SLC35F1: variants seen among roughly 807,000 people sequenced by gnomAD.
The protein encoded by SLC35F1 is chromosome 6 open reading frame 169.
SLC35F1 carries 14 observed loss-of-function variants against 48.7 expected under a neutral mutation model. That is an observed-to-expected ratio of 0.29 (90% CI 0.19 to 0.45). The LOEUF is 0.45. Among genes scored for constraint, SLC35F1 ranks in the 20% least tolerant of loss-of-function variants. The pLI is 1.00. For synonymous variants in SLC35F1, 190 were observed against 202.2 expected (o/e 0.94, Z 0.51); for missense variants, 404 against 500.0 (o/e 0.81, Z 1.83).
chr6:118,212,764 AAGGAAGG>A (rs1775020947), intron 2 of SLC35F1, among the ~76,000 whole-genome samples: 1 of 131,514 alleles, frequency 7.6e-6, no homozygotes. Context: ...GGAAGGAAGG[AAGGAAGG>A]AAGGAAGGAA....
chr6:118,065,184 T>C (rs1046119778), intron 1 of SLC35F1, among the ~76,000 whole-genome samples: 26 of 152,196 alleles, frequency 1.7e-4, no homozygotes, highest in African/African-American at 6.0e-4. Context: ...ACTTTCCAGG[T>C]AGGCTGAGTG....
At chr6:118,123,323 C>T (rs1582678050) in intron 1 of SLC35F1, among the ~76,000 whole-genome samples, 1 of 152,200 alleles carries the variant, frequency 6.6e-6, no homozygotes, top group Admixed American at 6.6e-5. Context: ...TTATACTTTG[C>T]TTTAACTCCA....
At chr6:118,210,219 A>C (rs918813744) in intron 2 of SLC35F1, among the ~76,000 whole-genome samples, 1 of 152,170 alleles carries the variant, frequency 6.6e-6, no homozygotes, top group Non-Finnish European at 1.5e-5. Flanking sequence ...CTCATAATTA[A>C]AATTAGACCT....
chr6:118,225,260 T>A (rs1775200259), intron 2 of SLC35F1, among the ~76,000 whole-genome samples: 1 of 152,094 alleles, frequency 6.6e-6, no homozygotes, highest in Non-Finnish European at 1.5e-5. Flanking sequence ...GTTATGGCAA[T>A]TAAATCAGCA....
At chr6:118,133,163 T>C (rs1773742395) in intron 1 of SLC35F1, among the ~76,000 whole-genome samples, 1 of 152,112 alleles carries the variant, frequency 6.6e-6, no homozygotes, top group Admixed American at 6.6e-5. Flanking sequence ...TTTCCTAGAA[T>C]CAGTAATCTG....
intron 1 of SLC35F1, among the ~76,000 whole-genome samples, chr6:118,115,132 CT>C (rs1353309695): frequency 1.3e-5 from 2 of 152,152 alleles, no homozygotes; most frequent in Non-Finnish European, 2.9e-5. Context: ...TCAGGTACAA[CT>C]TTAGCTATAA....
intron 1 of SLC35F1, among the ~76,000 whole-genome samples, chr6:117,979,640 CT>C (rs1183217003): frequency 6.6e-6 from 1 of 152,174 alleles, no homozygotes; most frequent in African/African-American, 2.4e-5. Context: ...TTAAAACACT[CT>C]TCTTAAAGCA....
chr6:118,235,542 G>C lies in SLC35F1; in HGVS notation c.383G>C (p.Arg128Thr). The stretch of plus-strand genomic sequence containing the variant: ...AACCTCCTGGCAATTTTACGACGAA[G>C]ATGGTGGAAGTACATGATTTTGGGA... ...EENLLAILRRRWWKYMILGLI... is the reference protein window; with the variant it reads ...EENLLAILRRTWWKYMILGLI... The change falls in exon 3 of 8, where the codon AGA (arginine) becomes ACA (threonine). Residue 128 changes from arginine to threonine, a missense_variant. Physicochemically the swap from Arg to Thr is moderately conservative, Grantham distance 71 (BLOSUM62 -1). Transcript: ENST00000360388. 6.2e-7 allele frequency: 1 copy of C among 1,613,444 alleles called. No individual in the cohort carries two copies. The highest frequency in any genetic ancestry group is 8.5e-7 in the Non-Finnish European group (1 of 1,179,632).
At chr6:117,975,018 A>G (rs1776688308) in intron 1 of SLC35F1, among the ~76,000 whole-genome samples, 1 of 152,210 alleles carries the variant, frequency 6.6e-6, no homozygotes, top group Non-Finnish European at 1.5e-5. Context: ...GACTTCTTGA[A>G]AGGATCTTAG....
intron 1 of SLC35F1, among the ~76,000 whole-genome samples, chr6:117,942,115 A>C (rs1194741455): frequency 6.6e-6 from 1 of 152,206 alleles, no homozygotes; most frequent in Non-Finnish European, 1.5e-5. Flanking sequence ...GCAGTATCAC[A>C]TCTTTTTACA....
At chr6:117,923,767 A>ATATG (rs1775971835) in intron 1 of SLC35F1, among the ~76,000 whole-genome samples, 2 of 458 alleles carry the variant, frequency 4.4e-3, no homozygotes, top group South Asian at 0.17. Flanking sequence ...ACATATGCAC[A>ATATG]TACATATGTA....
chr6:118,258,828 A>C (rs1775677626), intron 3 of SLC35F1, among the ~76,000 whole-genome samples: 1 of 152,006 alleles, frequency 6.6e-6, no homozygotes, highest in South Asian at 2.1e-4. Flanking sequence ...TGACTGTAAT[A>C]AGAAACTGAA....
chr6:118,032,254 A>G lies in SLC35F1; in HGVS notation c.174-122191A>G, dbSNP rs180938736. ...GATTTCTGTAATCACAGATTTTTTT[A>G]AAGCAGAAAAAATGAGGGTGGACAT... On this transcript the variant is annotated intron_variant, in intron 1 of 7. Coordinates refer to ENST00000360388, the MANE Select transcript of SLC35F1 (RefSeq NM_001029858.4). Among the ~76,000 whole-genome samples the G allele has an allele frequency of 2.2e-3, 330 of 152,236 alleles. 1 individual carries two copies. Among genetic ancestry groups the G allele is most frequent in the African/African-American group, 7.8e-3 (322 of 41,544 alleles).
intron 1 of SLC35F1, among the ~76,000 whole-genome samples, chr6:117,942,611 A>G (rs1416417): frequency 0.56 from 85,156 of 152,014 alleles, 26,298 homozygotes; most frequent in South Asian, 0.81. Flanking sequence ...ACTTTCTGGC[A>G]TGAATTAAAA....
chr6:117,979,473 T>G (rs955078518), intron 1 of SLC35F1, among the ~76,000 whole-genome samples: 5 of 152,196 alleles, frequency 3.3e-5, no homozygotes, highest in African/African-American at 1.2e-4. Flanking sequence ...CCAACAGAAG[T>G]AGACTTCAGA....
chr6:118,186,234 A>G (rs539233127), intron 2 of SLC35F1, among the ~76,000 whole-genome samples: 2 of 152,158 alleles, frequency 1.3e-5, no homozygotes, highest in African/African-American at 4.8e-5. Context: ...CCCCATCTAG[A>G]ACGTGAACTC....
At chr6:117,978,385 AT>A (rs1336575902) in intron 1 of SLC35F1, among the ~76,000 whole-genome samples, 1 of 151,566 alleles carries the variant, frequency 6.6e-6, no homozygotes, top group African/African-American at 2.4e-5. Flanking sequence ...CCTTTACCAC[AT>A]TTACTTAGTG....
chr6:118,187,437 A>G lies in SLC35F1; in HGVS notation c.349+32817A>G, dbSNP rs112012729. 9.3e-3 allele frequency among the ~76,000 whole-genome samples: 1,421 copies of G among 152,340 alleles called. 22 individuals carry two copies. Among genetic ancestry groups the G allele is most frequent in the African/African-American group, 0.032 (1,338 of 41,576 alleles). ...CTGAGCAGATAAGTGAAAGTGAAAC[A>G]ACAAAAAGAAGTTGAATTTTTTCCT... On this transcript the variant is annotated intron_variant, in intron 2 of 7. Coordinates refer to ENST00000360388, the MANE Select transcript of SLC35F1 (RefSeq NM_001029858.4).
intron 2 of SLC35F1, among the ~76,000 whole-genome samples, chr6:118,185,152 C>T (rs1418856582): frequency 6.6e-6 from 1 of 152,148 alleles, no homozygotes; most frequent in Non-Finnish European, 1.5e-5. Flanking sequence ...TGCTCTGAGA[C>T]CCGTGTTTCC....
Sources: gnomAD v4.1 joint callset for allele counts (sites outside exome capture counted in the v4.1 genomes callset) on GRCh38, gnomAD v4.1.1 for gene constraint, MANE v1.5 for transcripts, NCBI Gene and HGNC (gene_info 2026-07-23, HGNC 2026-07-21) for gene names.